The following LITAF variants were observed in gnomAD, a reference collection of about 807,000 sequenced individuals.
LITAF encodes lipopolysaccharide induced TNF factor, also known as lipopolysaccharide-induced tumor necrosis factor-alpha factor.
LITAF carries 9 observed loss-of-function variants against 14.5 expected under a neutral mutation model. The observed-to-expected ratio is 0.62, with a 90% confidence interval of 0.37 to 1.08. The LOEUF is 1.08. Among genes scored for constraint, LITAF ranks in the 50% least tolerant of loss-of-function variants. LITAF has a pLI of 0.01. For missense variants in LITAF, 206 were observed against 213.4 expected, an observed-to-expected ratio of 0.97 and a Z score of 0.22; for synonymous variants, 98 against 88.2, an observed-to-expected ratio of 1.11 and a Z score of -0.62.
rs557321243 is a variant in LITAF at position 11,623,615 on chromosome 16, A to G, written c.85+9918T>C. Among the ~76,000 whole-genome samples, 106 of 150,966 alleles carry G rather than the reference A, an allele frequency of 7.0e-4. 1 individual carries two copies. The highest frequency in any genetic ancestry group is 2.4e-3 in the African/African-American group (98 of 41,066). On this transcript the variant is annotated intron_variant, in intron 3 of 3. Coordinates refer to the LITAF transcript ENST00000574848. ...GCAGAGGTTGTGGTGAGCTGAGATC[A>G]CAACCTTGCACTCTAGCCTGGGTGA...
rs544961732 is a variant in LITAF, at chr16:11,565,440, G to A, written c.-5-8705C>T. On this transcript the variant is annotated intron_variant, in intron 1 of 3. Transcript: ENST00000622633. ...TGTGACTTTCTCTTCACTAAAAAGC[G>A]GGGGGCGGGGGGGTGGGGGGAGGTG... 5.6e-4 allele frequency among the ~76,000 whole-genome samples: 84 copies of A among 150,626 alleles called. No individual in the cohort carries two copies. In the East Asian group the frequency reaches 7.9e-3, roughly 14 times the overall value.
Position 11,631,848 on chromosome 16 carries a change from C to CT in LITAF, c.85+1684dup, listed in dbSNP as rs1448067521. ...ATCTGCAAAGACCCTATTTTCTTTT[C>CT]TTTTCTTTTTTTTTTTTTTTGAGAC... On this transcript the variant is annotated intron_variant, in intron 3 of 3. Transcript: ENST00000574848. Among the ~76,000 whole-genome samples, 334 of 142,618 alleles carry CT rather than the reference C, an allele frequency of 2.3e-3. 1 individual carries two copies. Among genetic ancestry groups the CT allele is most frequent in the African/African-American group, 8.4e-3 (317 of 37,868 alleles). The allele number at this position is 142,618 out of a possible 152,430, so 93.6% of individuals were successfully genotyped here.
At chr16:11,552,675 G>A (rs1205479882) in intron 3 of LITAF, among the ~76,000 whole-genome samples, 1 of 152,164 alleles carries the variant, frequency 6.6e-6, no homozygotes, top group Non-Finnish European at 1.5e-5. Context: ...GGACGGATAC[G>A]CTTAAGAGCA....
upstream of LITAF, among the ~76,000 whole-genome samples, chr16:11,638,676 G>C (rs1188533020): frequency 7.7e-6 from 1 of 130,062 alleles, no homozygotes; most frequent in Non-Finnish European, 1.6e-5. Flanking sequence ...ACTCCAGCCT[G>C]GGCCGACAGA....
intron 1 of LITAF, among the ~76,000 whole-genome samples, chr16:11,582,114 G>A (rs186342838): frequency 1.4e-3 from 206 of 152,212 alleles, no homozygotes; most frequent in African/African-American, 4.7e-3. Context: ...ACAAAGAAAT[G>A]ATAAGTGTTT....
chr16:11,558,935 A>G lies in LITAF; in HGVS notation c.-5-2200T>C, dbSNP rs1270291218. On this transcript the variant is annotated intron_variant, in intron 1 of 3. Transcript: ENST00000622633. The surrounding 1 kb of genome is among the most constrained non-coding windows in gnomAD (Gnocchi z 4.1). ...CCAATATAGCAGCCACCAGTCACGT[A>G]AGGTTATTGGGCGTCTAAAATGTGG... 6.6e-6 allele frequency among the ~76,000 whole-genome samples: 1 copy of G among 152,046 alleles called. No individual in the cohort carries two copies. Among genetic ancestry groups the G allele is most frequent in the South Asian group, 2.1e-4 (1 of 4,818 alleles).
upstream of LITAF, among the ~76,000 whole-genome samples, chr16:11,600,767 C>T (rs143876765): frequency 2.0e-3 from 303 of 152,296 alleles, 4 homozygotes; most frequent in Middle Eastern, 0.017. The surrounding 1 kb of genome is among the most constrained non-coding windows in gnomAD (Gnocchi z 4.1). Flanking sequence ...ACTTCCCTGC[C>T]TTCAGGTAGG....
intron 3 of LITAF, among the ~76,000 whole-genome samples, chr16:11,616,787 G>A (rs537440954): frequency 3.7e-4 from 56 of 150,798 alleles, no homozygotes; most frequent in African/African-American, 1.1e-3. Flanking sequence ...TGGTGCACAC[G>A]TGTGGTCCCA....
intron 3 of LITAF, chr16:11,551,654 TCC>T: frequency 1.7e-6 from 1 of 595,892 alleles, no homozygotes; most frequent in Admixed American, 2.9e-5. Flanking sequence ...AACCCCTGCT[TCC>T]ACACACACAA....
chr16:11,570,638 G>T (rs1347920865), intron 1 of LITAF, among the ~76,000 whole-genome samples: 1 of 152,144 alleles, frequency 6.6e-6, no homozygotes, highest in African/African-American at 2.4e-5. Flanking sequence ...GAGATGAGGG[G>T]GTTATTCTGG....
chr16:11,553,680 T>C lies in LITAF; in HGVS notation c.230A>G (p.Gln77Arg). The C allele has an allele frequency of 1.2e-6, 2 of 1,614,154 alleles. No homozygotes were observed. The highest frequency in any genetic ancestry group is 1.7e-6 in the Non-Finnish European group (2 of 1,180,010). The change falls in exon 3 of 4, where the codon CAG becomes CGG. Residue 77 changes from glutamine (Q) to arginine (R), a missense_variant. Gln to Arg is a conservative substitution (Grantham distance 43, BLOSUM62 1). Coordinates refer to ENST00000622633, the MANE Select transcript of LITAF (RefSeq NM_001136472.2). This position sits in a 1 kb window ranked among gnomAD's most constrained non-coding sequence, Gnocchi z 7.7. ...PIPNNNPITV[Q>R]TVYVQHPITF... ...GATGGGGTGCTGCACGTAGACCGTC[T>C]GCACGGTAACTGATGAAAGGGAGAG...
chr16:11,609,421 C>T (rs746660723), intron 3 of LITAF, among the ~76,000 whole-genome samples: 2 of 151,972 alleles, frequency 1.3e-5, no homozygotes, highest in Non-Finnish European at 2.9e-5. Flanking sequence ...ACCATGTTGG[C>T]CAGGCTGGTC....
chr16:11,582,014 G>A (rs1388665378), intron 1 of LITAF, among the ~76,000 whole-genome samples: 1 of 152,172 alleles, frequency 6.6e-6, no homozygotes, highest in African/African-American at 2.4e-5. Context: ...AAGTTCTACT[G>A]TTCTGTAGAA....
intron 3 of LITAF, among the ~76,000 whole-genome samples, chr16:11,550,839 C>T (rs186049165): frequency 1.4e-4 from 22 of 152,306 alleles, no homozygotes; most frequent in African/African-American, 5.3e-4. Flanking sequence ...TCTGTTGCAA[C>T]TGCTCAACTC....
rs1291895106 is a variant in LITAF at position 11,556,688 on chromosome 16, A to C, written c.43T>G (p.Ser15Ala). 6.2e-7 allele frequency: 1 copy of C among 1,614,218 alleles called. No homozygotes were observed. Among genetic ancestry groups the C allele is most frequent in the Non-Finnish European group, 8.5e-7 (1 of 1,180,038 alleles). ...TAGGATGGAGGTGCGGATGGTGCTG[A>C]GGAAGGCCCAGTGGCCGCCTGGTAA... ...GPYQAATGPSSAPSAPPSYEE... is the reference protein window; with the variant it reads ...GPYQAATGPSAAPSAPPSYEE... Residue 15 changes from serine (S) to alanine (A), a missense_variant, in exon 2 of 4, where the codon TCA (serine) becomes GCA (alanine). Ser to Ala is a moderately conservative substitution (Grantham distance 99). Transcript: ENST00000622633.
At chr16:11,640,170 C>A (rs1465601038), upstream of LITAF, among the ~76,000 whole-genome samples, 1 of 152,212 alleles carries the variant, frequency 6.6e-6, no homozygotes, top group East Asian at 1.9e-4. Context: ...TAGGCATTCA[C>A]GGCTGGATCC....
chr16:11,589,497 T>C (rs1286938584), upstream of LITAF, among the ~76,000 whole-genome samples: 1 of 152,184 alleles, frequency 6.6e-6, no homozygotes, highest in Non-Finnish European at 1.5e-5. Context: ...AAGCTATCTC[T>C]ATTCACAGGT....
upstream of LITAF, among the ~76,000 whole-genome samples, chr16:11,588,086 C>T (rs1172664794): frequency 2.0e-5 from 3 of 152,124 alleles, no homozygotes; most frequent in South Asian, 2.1e-4. Context: ...TGTCCACTGA[C>T]GGGCCACCCT....
At chr16:11,583,381 G>A (rs2064767457) in intron 1 of LITAF, among the ~76,000 whole-genome samples, 1 of 152,132 alleles carries the variant, frequency 6.6e-6, no homozygotes, top group South Asian at 2.1e-4. Flanking sequence ...CTGGACTCCT[G>A]GTGAAACCAC....
Sources: allele counts gnomAD v4.1 joint callset (sites outside exome capture counted in the v4.1 genomes callset), GRCh38; gene constraint gnomAD v4.1.1; non-coding constraint Gnocchi (gnomAD v3.1); transcripts MANE v1.5; gene names NCBI Gene and HGNC (gene_info 2026-07-23, HGNC 2026-07-21).